TPP2: variants seen among roughly 807,000 people sequenced by gnomAD.
TPP2 encodes the protein tripeptidyl peptidase 2.
TPP2 carries 34 observed loss-of-function variants against 155.9 expected under a neutral mutation model. The observed-to-expected ratio is 0.22, with a 90% CI of 0.17 to 0.29. The LOEUF is 0.29. Among genes scored for constraint, TPP2 ranks in the 10% least tolerant of loss-of-function variants. The pLI, the probability that TPP2 is intolerant of heterozygous loss-of-function variation, is 1.00. For synonymous variants in TPP2, 510 were observed against 529.4 expected, an observed-to-expected ratio of 0.96 and a Z score of 0.50; for missense variants, 1,028 against 1,522.3, an observed-to-expected ratio of 0.68 and a Z score of 5.40.
At chr13:102,659,492 G>A (rs1043668629) in intron 25 of TPP2, among the ~76,000 whole-genome samples, 1 of 152,158 alleles carries the variant, frequency 6.6e-6, no homozygotes, top group African/African-American at 2.4e-5. Flanking sequence ...TCACTTACAA[G>A]GAAATGCTAG....
chr13:102,603,985 A>G (rs1483564513), intron 1 of TPP2, among the ~76,000 whole-genome samples: 1 of 152,162 alleles, frequency 6.6e-6, no homozygotes, highest in Non-Finnish European at 1.5e-5. Context: ...AATTAACAGG[A>G]TTTCCTGTTA....
chr13:102,624,615 T>C (rs967917771), intron 6 of TPP2, among the ~76,000 whole-genome samples: 1 of 152,198 alleles, frequency 6.6e-6, no homozygotes, highest in African/African-American at 2.4e-5. Context: ...ATGGTTTTCT[T>C]TCCTTCACTC....
intron 27 of TPP2, among the ~76,000 whole-genome samples, chr13:102,672,639 T>G (rs1316676594): frequency 6.6e-6 from 1 of 152,006 alleles, no homozygotes; most frequent in African/African-American, 2.4e-5. Context: ...CTTCACAAAA[T>G]CAGGATAGTA....
At chr13:102,658,489 A>G (rs768272326) in intron 25 of TPP2, among the ~76,000 whole-genome samples, 1 of 152,254 alleles carries the variant, frequency 6.6e-6, no homozygotes, top group Non-Finnish European at 1.5e-5. Context: ...GTCTTCTGGC[A>G]TGACAGCCTG....
intron 1 of TPP2, among the ~76,000 whole-genome samples, chr13:102,604,069 C>T (rs113937285): frequency 6.6e-6 from 1 of 151,982 alleles, no homozygotes; most frequent in Non-Finnish European, 1.5e-5. Flanking sequence ...AACAGCTGGG[C>T]GTGGGGATTC....
At chr13:102,619,074 C>G (rs182526144) in intron 5 of TPP2, among the ~76,000 whole-genome samples, 1 of 152,092 alleles carries the variant, frequency 6.6e-6, no homozygotes, top group Non-Finnish European at 1.5e-5. Context: ...AATAAACTTA[C>G]TTCATTAATA....
intron 2 of TPP2, among the ~76,000 whole-genome samples, chr13:102,610,798 A>G (rs1263562713): frequency 6.6e-6 from 1 of 152,002 alleles, no homozygotes; most frequent in Non-Finnish European, 1.5e-5. Context: ...CAAAATATAC[A>G]TACATAAAAT....
intron 4 of TPP2, among the ~76,000 whole-genome samples, chr13:102,618,019 T>C (rs918274996): frequency 1.3e-5 from 2 of 152,244 alleles, no homozygotes; most frequent in Non-Finnish European, 2.9e-5. Flanking sequence ...TCCCAGCTTA[T>C]TTCTGTTTAA....
chr13:102,633,904 T>C, intron 10 of TPP2, 46 bp from the exon 11 acceptor site: 1 of 1,610,956 alleles, frequency 6.2e-7, no homozygotes, highest in African/African-American at 1.3e-5. Context: ...CCCATGTATG[T>C]TTAGCTTTCA....
At chr13:102,648,326 A>G (rs1273890072) in intron 21 of TPP2, among the ~76,000 whole-genome samples, 1 of 152,112 alleles carries the variant, frequency 6.6e-6, no homozygotes, top group South Asian at 2.1e-4. Flanking sequence ...GCTATGGTGC[A>G]CTATGATTGC....
rs762685380 is a variant in TPP2 at position 102,674,572 on chromosome 13, A to C, written c.3579+82A>C. The C allele has an allele frequency of 4.9e-5, 67 of 1,380,160 alleles. No homozygotes were observed. The African/African-American group carries it at 4.9e-4, about 10-fold the overall frequency. The allele number at this position is 1,380,160 out of a possible 1,614,324, so 85.5% of individuals were successfully genotyped here. A position where few individuals can be genotyped will look rare whatever the true frequency, so the allele number is the denominator to read the frequency against. ...CTTGTGCCCCATTGCTGGTTAAAAG[A>C]GGAAGAAGATAAATGGAAAGAATCT... On this transcript the variant is annotated intron_variant, in intron 28 of 29. Coordinates refer to ENST00000376052, the MANE Select transcript of TPP2 (RefSeq NM_001330588.2).
intron 25 of TPP2, among the ~76,000 whole-genome samples, chr13:102,659,823 G>A (rs1415050872): frequency 1.3e-5 from 2 of 152,150 alleles, no homozygotes; most frequent in Non-Finnish European, 2.9e-5. Flanking sequence ...ACAGCATAAA[G>A]TTCTCATTTT....
At chr13:102,624,301 G>T (rs566772935) in intron 6 of TPP2, among the ~76,000 whole-genome samples, 1 of 152,298 alleles carries the variant, frequency 6.6e-6, no homozygotes, top group East Asian at 1.9e-4. Context: ...AAAGGAGAAT[G>T]AAGTGGGATG....
At chr13:102,634,624 C>A (rs543831053) in intron 11 of TPP2, among the ~76,000 whole-genome samples, 1 of 152,302 alleles carries the variant, frequency 6.6e-6, no homozygotes, top group South Asian at 2.1e-4. Context: ...CTCTCCTCTG[C>A]CTCCTTTCTT....
At chr13:102,605,182 C>T (rs952413469) in intron 2 of TPP2, among the ~76,000 whole-genome samples, 1 of 151,882 alleles carries the variant, frequency 6.6e-6, no homozygotes, top group Non-Finnish European at 1.5e-5. Flanking sequence ...CAGCTGAAGG[C>T]TCAGCTTGGG....
chr13:102,677,766 CA>C (rs1373025721), intron 29 of TPP2, among the ~76,000 whole-genome samples: 1 of 152,208 alleles, frequency 6.6e-6, no homozygotes, highest in Non-Finnish European at 1.5e-5. Context: ...TTCTACTGTA[CA>C]CCTGATAAAT....
At chr13:102,615,675 CTG>C (rs1257002654) in intron 3 of TPP2, among the ~76,000 whole-genome samples, 1 of 152,160 alleles carries the variant, frequency 6.6e-6, no homozygotes, top group Non-Finnish European at 1.5e-5. Context: ...CCTGCATTGT[CTG>C]TCAAAATGCA....
intron 25 of TPP2, among the ~76,000 whole-genome samples, chr13:102,662,534 G>T (rs1884303159): frequency 6.6e-6 from 1 of 152,072 alleles, no homozygotes; most frequent in African/African-American, 2.4e-5. Context: ...TTATAATTAA[G>T]GTGCAGTAGT....
At chr13:102,599,245 T>C (rs1266947537) in intron 1 of TPP2, among the ~76,000 whole-genome samples, 1 of 152,198 alleles carries the variant, frequency 6.6e-6, no homozygotes, top group Non-Finnish European at 1.5e-5. Flanking sequence ...ATGTTAGATA[T>C]TTGCATGTAA....
Sources: allele counts gnomAD v4.1 joint callset (sites outside exome capture counted in the v4.1 genomes callset), GRCh38; gene constraint gnomAD v4.1.1; transcripts MANE v1.5; gene names NCBI Gene and HGNC (gene_info 2026-07-23, HGNC 2026-07-21).